The following DIS3L2 variants were observed in gnomAD, a reference collection of about 807,000 sequenced individuals.
DIS3L2 encodes the protein DIS3-like exonuclease 2.
A neutral mutation model predicts 97.5 loss-of-function variants in DIS3L2; 34 were observed. The ratio of observed to expected loss-of-function variants is 0.35; its 90% CI spans 0.27 to 0.46. The LOEUF (loss-of-function observed/expected upper bound fraction) is 0.46, where lower values mean the gene tolerates loss of function less well. Ranked by LOEUF, DIS3L2 falls within the 20% of genes least tolerant of loss-of-function variation. DIS3L2 has a pLI of 1.00. For missense variants in DIS3L2, 1,038 were observed against 1,146.0 expected (o/e 0.91, Z 1.36); for synonymous variants, 435 against 445.2 (o/e 0.98, Z 0.29).
At chr2:232,334,999 G>C in intron 19 of DIS3L2, 1 of 471,780 alleles carries the variant, frequency 2.1e-6, no homozygotes, top group Non-Finnish European at 3.9e-6. Flanking sequence ...GGCAGGGTGT[G>C]CAGGCTTTGG....
intron 1 of DIS3L2, among the ~76,000 whole-genome samples, chr2:231,973,598 C>T (rs1692986669): frequency 6.6e-6 from 1 of 151,928 alleles, no homozygotes; most frequent in Non-Finnish European, 1.5e-5. Flanking sequence ...ACTGTGTTGC[C>T]CAGGCTGGTT....
chr2:232,200,914 G>C (rs1691876288), intron 9 of DIS3L2, among the ~76,000 whole-genome samples: 1 of 151,680 alleles, frequency 6.6e-6, no homozygotes, highest in Non-Finnish European at 1.5e-5. Flanking sequence ...TTCCCGAGTA[G>C]CTGGGATTAC....
At chr2:232,204,685 T>C (rs1227463886) in intron 9 of DIS3L2, among the ~76,000 whole-genome samples, 1 of 152,130 alleles carries the variant, frequency 6.6e-6, no homozygotes, top group Non-Finnish European at 1.5e-5. Flanking sequence ...TCCCTGCAGG[T>C]TGTGAGACCA....
At chr2:232,199,275 C>T (rs1691832607) in intron 9 of DIS3L2, among the ~76,000 whole-genome samples, 1 of 152,018 alleles carries the variant, frequency 6.6e-6, no homozygotes, top group South Asian at 2.1e-4. Flanking sequence ...TGAAAAAAGT[C>T]ATGTTTGAAG....
chr2:232,068,599 T>A (rs1695920500), intron 5 of DIS3L2, among the ~76,000 whole-genome samples: 1 of 151,372 alleles, frequency 6.6e-6, no homozygotes, highest in Non-Finnish European at 1.5e-5. Flanking sequence ...AAAAGTTATA[T>A]GTATATATAT....
intron 1 of DIS3L2, among the ~76,000 whole-genome samples, chr2:232,005,067 G>A (rs1242971396): frequency 6.6e-6 from 1 of 151,390 alleles, no homozygotes; most frequent in Non-Finnish European, 1.5e-5. Flanking sequence ...CCTTTAGAAT[G>A]GATGTTTTCT....
intron 14 of DIS3L2, among the ~76,000 whole-genome samples, chr2:232,307,265 A>G (rs990848365): frequency 8.5e-5 from 13 of 152,204 alleles, no homozygotes; most frequent in Admixed American, 5.9e-4. Context: ...GATGAAGGGA[A>G]GGTGGGGGAC....
At chr2:232,286,668 T>C (rs1210433286) in intron 13 of DIS3L2, among the ~76,000 whole-genome samples, 1 of 152,182 alleles carries the variant, frequency 6.6e-6, no homozygotes, top group East Asian at 1.9e-4. Context: ...CTTTTTTACA[T>C]AGGAGGCACC....
intron 13 of DIS3L2, among the ~76,000 whole-genome samples, chr2:232,298,268 T>C (rs971559695): frequency 6.6e-6 from 1 of 152,218 alleles, no homozygotes; most frequent in Non-Finnish European, 1.5e-5. Flanking sequence ...TCTTCCTACA[T>C]TTCTGATGAT....
chr2:232,288,262 C>T (rs149284872), intron 13 of DIS3L2, among the ~76,000 whole-genome samples: 1 of 152,200 alleles, frequency 6.6e-6, no homozygotes, highest in Admixed American at 6.5e-5. Context: ...CTCTTAGCTG[C>T]GTAAGACAGC....
chr2:232,159,421 T>A (rs909297954), intron 8 of DIS3L2, among the ~76,000 whole-genome samples: 4 of 152,184 alleles, frequency 2.6e-5, no homozygotes, highest in Non-Finnish European at 4.4e-5. Flanking sequence ...ACATTCAAAG[T>A]CTTGAGTTGA....
chr2:232,191,885 A>G (rs948227018), intron 9 of DIS3L2, among the ~76,000 whole-genome samples: 2 of 152,192 alleles, frequency 1.3e-5, no homozygotes, highest in Non-Finnish European at 2.9e-5. Flanking sequence ...TCTTTTTGAA[A>G]TAGAGTTATT....
chr2:232,060,732 A>G (rs1352113816), intron 5 of DIS3L2, among the ~76,000 whole-genome samples: 1 of 152,152 alleles, frequency 6.6e-6, no homozygotes, highest in African/African-American at 2.4e-5. Context: ...TTGAATCTAT[A>G]GATTGCTTTG....
intron 14 of DIS3L2, among the ~76,000 whole-genome samples, chr2:232,320,504 G>T (rs1331478455): frequency 6.6e-6 from 1 of 152,160 alleles, no homozygotes; most frequent in Non-Finnish European, 1.5e-5. Context: ...CCATATACAG[G>T]CAGTAAGAAT....
chr2:232,033,532 CA>C (rs1694868026), intron 5 of DIS3L2, among the ~76,000 whole-genome samples: 1 of 152,198 alleles, frequency 6.6e-6, no homozygotes, highest in African/African-American at 2.4e-5. Context: ...TGAGAGAGGG[CA>C]TCCTTGTCTT....
chr2:232,078,940 T>TG (rs1696297557), intron 5 of DIS3L2, among the ~76,000 whole-genome samples: 1 of 152,218 alleles, frequency 6.6e-6, no homozygotes, highest in South Asian at 2.1e-4. Flanking sequence ...TCATGCTTTT[T>TG]GGAGTAGGTC....
Position 232,268,961 on chromosome 2 carries a change from T to C in DIS3L2, c.1659+5521T>C, listed in dbSNP as rs192417037. ...TGGGGAGTAGAGGAATGAATCAGTT[T>C]AGCATCAGTTCCCTTATTCCATTTA... is the stretch of plus-strand genomic sequence containing the variant. On this transcript the variant is annotated intron_variant, in intron 13 of 20. Transcript: ENST00000325385. The surrounding 1 kb of genome is among the most constrained non-coding windows in gnomAD (Gnocchi z 4.1). Among the ~76,000 whole-genome samples the C allele has an allele frequency of 6.6e-6, 1 of 152,264 alleles. No individual in the cohort carries two copies. Among genetic ancestry groups the C allele is most frequent in the Non-Finnish European group, 1.5e-5 (1 of 68,044 alleles).
In DIS3L2 at chr2:232,015,525, G is replaced by C. The variant is rs183463487; in HGVS notation, c.64G>C (p.Val22Leu). The part of the protein sequence containing the change: ...PLGTPRGVSA[V>L]AGPHDIGASP... Reference sequence around the variant, plus strand: ...CCTCCTGTTTCTAGGTGTGTCTGCTGTGGCTGGTCCACATGACATTGGTGC... The same window carrying C: ...CCTCCTGTTTCTAGGTGTGTCTGCTCTGGCTGGTCCACATGACATTGGTGC... The change falls in exon 3 of 21, where the codon GTG becomes CTG. Residue 22 changes from valine to leucine, a missense_variant. Physicochemically the swap from Val to Leu is conservative, Grantham distance 32. This residue lies in a region of DIS3L2 where 813 missense variants were observed against 880.1 expected (regional missense o/e 0.92). Transcript: ENST00000325385. 22 of 1,613,918 alleles carry C rather than the reference G, an allele frequency of 1.4e-5. No homozygotes were observed. The Admixed American group carries it at 3.5e-4, about 26-fold the overall frequency.
chr2:232,300,341 G>A (rs1194538103), intron 14 of DIS3L2, among the ~76,000 whole-genome samples: 1 of 152,196 alleles, frequency 6.6e-6, no homozygotes, highest in African/African-American at 2.4e-5. Flanking sequence ...GTTGTGGTGT[G>A]TTAGAAGTAG....
Sources: gnomAD v4.1 joint callset for allele counts (sites outside exome capture counted in the v4.1 genomes callset) on GRCh38, gnomAD v4.1.1 for gene constraint, gnomAD v4.1.1 regional missense constraint, Gnocchi (gnomAD v3.1) non-coding constraint, MANE v1.5 for transcripts, NCBI Gene and HGNC (gene_info 2026-07-23, HGNC 2026-07-21) for gene names.